The following EVC2 variants were observed in gnomAD, a reference collection of about 807,000 sequenced individuals.
EVC2 encodes EvC ciliary complex subunit 2, also known as limbin.
Under a neutral mutation model 149.3 loss-of-function variants are expected in EVC2, and 148 were observed. That is an observed-to-expected ratio of 0.99 (90% CI 0.87 to 1.14). The LOEUF (loss-of-function observed/expected upper bound fraction) is 1.14. Among genes scored for constraint, EVC2 ranks in the 50% most tolerant of loss-of-function variants. The probability of loss-of-function intolerance (pLI) is 0.00; values close to 1 mark genes in which losing one functional copy is unlikely to be tolerated. For missense variants in EVC2, 1,854 were observed against 1,627.3 expected, an observed-to-expected ratio of 1.14 and a Z score of -2.40; for synonymous variants, 776 against 649.9, an observed-to-expected ratio of 1.19 and a Z score of -2.95.
In EVC2 at chr4:5,644,305, TTTTA is replaced by T. The variant is rs1441272102; in HGVS notation, c.1146-3471_1146-3468del. On this transcript the variant is annotated intron_variant, in intron 9 of 21. Coordinates refer to ENST00000344408, the MANE Select transcript of EVC2 (RefSeq NM_147127.5). The stretch of plus-strand genomic sequence containing the variant: ...TACATATATAATTTACCATCTTTTA[TTTTA>T]TTTATTTATTCTTTTAGACGGAGTT... Among the ~76,000 whole-genome samples, 6 of 152,288 alleles carry T rather than the reference TTTTA, an allele frequency of 3.9e-5. No homozygotes were observed. In the East Asian group the frequency reaches 1.2e-3, roughly 29 times the overall value.
At chr4:5,630,902 T>A (rs1716483878) in intron 11 of EVC2, among the ~76,000 whole-genome samples, 1 of 152,194 alleles carries the variant, frequency 6.6e-6, no homozygotes. Context: ...ACCCTTACCA[T>A]CAGCTAGAGC....
At chr4:5,586,557 C>T (rs886370180) in intron 16 of EVC2, among the ~76,000 whole-genome samples, 1 of 152,166 alleles carries the variant, frequency 6.6e-6, no homozygotes, top group African/African-American at 2.4e-5. Flanking sequence ...AGAACAGACT[C>T]TTTAAGTCTC....
chr4:5,697,464 T>C lies in EVC2; in HGVS notation c.283+129A>G, dbSNP rs7656937. On this transcript the variant is annotated intron_variant, in intron 2 of 21. Transcript: ENST00000344408. ...CTAGTTCTGTAAGGTCAGGGAATGA[T>C]CTACTTGCCCAAAGTAGAGAGGTGC... 8,411 of 917,570 alleles carry C rather than the reference T, an allele frequency of 9.2e-3. 394 individuals carry two copies. The African/African-American group carries it at 0.11, about 12-fold the overall frequency. 56.8% of individuals were successfully genotyped at this position (917,570 alleles called of 1,614,324 possible). A position where few individuals can be genotyped will look rare whatever the true frequency, so the allele number is the denominator to read the frequency against.
chr4:5,615,357 GT>G, intron 16 of EVC2, 64 bp downstream of exon 16: 1 of 1,611,208 alleles, frequency 6.2e-7, no homozygotes, highest in Non-Finnish European at 8.5e-7. Context: ...CTGCAAATGT[GT>G]CAGCTATCAG....
chr4:5,573,460 T>C (rs1311723399), intron 19 of EVC2, among the ~76,000 whole-genome samples: 1 of 152,086 alleles, frequency 6.6e-6, no homozygotes, highest in African/African-American at 2.4e-5. Context: ...CCAAGGAATG[T>C]AGGTGCCACT....
rs201048030 is a variant in EVC2 at position 5,576,233 on chromosome 4, G to A, written c.3272+7C>T. On this transcript the variant is annotated splice_region_variant and intron_variant, in intron 18 of 21. Coordinates refer to ENST00000344408, the MANE Select transcript of EVC2 (RefSeq NM_147127.5). The surrounding 1 kb of genome is among the most constrained non-coding windows in gnomAD (Gnocchi z 4.5). Reference sequence around the variant, plus strand: ...TATCTTTGAGTGCTACGGGGCACACGGCATACCACTGCTGATGTTGCTCCA... The same window carrying A: ...TATCTTTGAGTGCTACGGGGCACACAGCATACCACTGCTGATGTTGCTCCA... 1,966 of 1,614,102 alleles carry A rather than the reference G, an allele frequency of 1.2e-3. 8 individuals are homozygous for A. The highest frequency in any genetic ancestry group is 1.1e-3 in the Non-Finnish European group (1,243 of 1,180,040).
At chr4:5,593,900 G>A (rs13106002) in intron 16 of EVC2, among the ~76,000 whole-genome samples, 49,410 of 152,088 alleles carry the variant, frequency 0.32, 9,090 homozygotes, top group South Asian at 0.44. Context: ...CTTAAAAAAC[G>A]ACGCACCAGG....
intron 16 of EVC2, among the ~76,000 whole-genome samples, chr4:5,608,132 C>T (rs187046565): frequency 1.3e-5 from 2 of 152,276 alleles, no homozygotes; most frequent in African/African-American, 2.4e-5. Context: ...CTTTCCCCTT[C>T]TGTTGGATGG....
chr4:5,562,880 T>C lies in EVC2; in HGVS notation c.3895A>G (p.Lys1299Glu). 1.2e-6 allele frequency: 2 copies of C among 1,614,218 alleles called. No homozygotes were observed. Among genetic ancestry groups the C allele is most frequent in the Non-Finnish European group, 1.7e-6 (2 of 1,180,048 alleles). ...PRKKKNFLNA[K>E]KAMRALGMD is the part of the protein sequence containing the mutation. Reference sequence around the variant, plus strand: ...ATGCCCAAGGCCCTCATGGCCTTTTTGGCATTCAAAAAGTTCTTCTTTTTC... The same window carrying C: ...ATGCCCAAGGCCCTCATGGCCTTTTCGGCATTCAAAAAGTTCTTCTTTTTC... Residue 1299 changes from lysine to glutamate, a missense_variant, in exon 22 of 22, where the codon AAA (lysine) becomes GAA (glutamate). Coordinates refer to ENST00000344408, the MANE Select transcript of EVC2 (RefSeq NM_147127.5). The surrounding 1 kb of genome is among the most constrained non-coding windows in gnomAD (Gnocchi z 4.3).
rs775859006 is a variant in EVC2, at chr4:5,640,769, A to G, written c.1215T>C (p.Asp405=). The change falls in exon 10 of 22, where the codon GAT becomes GAC. Residue 405 remains aspartate, a synonymous_variant. Transcript: ENST00000344408. This position sits in a 1 kb window ranked among gnomAD's most constrained non-coding sequence, Gnocchi z 4.6. ...GATTTTTCAGCAGAAGGGCAATGATATCCTTGCTGATTTGTGTTCGACAAG... is the reference window on the plus strand; with the variant it reads ...GATTTTTCAGCAGAAGGGCAATGATGTCCTTGCTGATTTGTGTTCGACAAG... ...LEACRTQISK[D]IIALLLKNLT... is the part of the protein sequence containing the mutation. 1.2e-6 allele frequency: 2 copies of G among 1,614,048 alleles called. No homozygotes were observed. Among genetic ancestry groups the G allele is most frequent in the South Asian group, 2.2e-5 (2 of 91,088 alleles).
chr4:5,598,666 C>T (rs1230196122), intron 16 of EVC2, among the ~76,000 whole-genome samples: 1 of 152,102 alleles, frequency 6.6e-6, no homozygotes, highest in Non-Finnish European at 1.5e-5. Context: ...TGGGCAAGGA[C>T]TTCATGTCTA....
downstream of EVC2, among the ~76,000 whole-genome samples, chr4:5,538,867 A>G (rs559592412): frequency 6.6e-6 from 1 of 152,306 alleles, no homozygotes; most frequent in African/African-American, 2.4e-5. Flanking sequence ...TATCATACTC[A>G]ATGGTGAACA....
chr4:5,631,687 A>C, intron 11 of EVC2, 106 bp downstream of exon 11: 324 of 1,366,296 alleles, frequency 2.4e-4, no homozygotes, highest in Middle Eastern at 4.7e-4. Flanking sequence ...AAAGCTCACT[A>C]GTGCACAGTA....
chr4:5,639,042 C>T (rs1717110391), intron 10 of EVC2, among the ~76,000 whole-genome samples: 1 of 152,124 alleles, frequency 6.6e-6, no homozygotes, highest in Admixed American at 6.5e-5. Flanking sequence ...CAAGGGAGGC[C>T]CCAGGAGCAA....
At chr4:5,553,224 G>A (rs1383857365) in intron 21 of EVC2, among the ~76,000 whole-genome samples, 1 of 152,162 alleles carries the variant, frequency 6.6e-6, no homozygotes, top group African/African-American at 2.4e-5. Flanking sequence ...CACATGCCAG[G>A]AGCAGGAGCA....
the EVC2 span, among the ~76,000 whole-genome samples, chr4:5,529,122 T>C: frequency 0.32 from 48,459 of 151,992 alleles, 9,901 homozygotes; most frequent in East Asian, 0.68. The surrounding 1 kb of genome is among the most constrained non-coding windows in gnomAD (Gnocchi z 4.5). Flanking sequence ...TCTGCCTCCT[T>C]GCTGAATGGG....
Position 5,591,152 on chromosome 4 carries a change from C to T in EVC2, c.2830-6302G>A, listed in dbSNP as rs73061757. Among the ~76,000 whole-genome samples, 409 of 152,266 alleles carry T rather than the reference C, an allele frequency of 2.7e-3. 2 individuals are homozygous for T. The highest frequency in any genetic ancestry group is 8.1e-3 in the African/African-American group (335 of 41,556). Reference sequence around the variant, plus strand: ...CTCAATGACACTTGTGCATGTTTCTCGTTTCATAAATATTCATGACTCCTC... The same window carrying T: ...CTCAATGACACTTGTGCATGTTTCTTGTTTCATAAATATTCATGACTCCTC... On this transcript the variant is annotated intron_variant, in intron 16 of 21. Coordinates refer to ENST00000344408, the MANE Select transcript of EVC2 (RefSeq NM_147127.5).
In EVC2 at chr4:5,625,307, T is replaced by TACACACAC. The variant is rs71171407; in HGVS notation, c.2046+434_2046+441dup. 1.9e-4 allele frequency among the ~76,000 whole-genome samples: 26 copies of TACACACAC among 139,886 alleles called. No homozygotes were observed. Among genetic ancestry groups the TACACACAC allele is most frequent in the South Asian group, 9.7e-4 (4 of 4,122 alleles). 91.8% of individuals were successfully genotyped at this position (139,886 alleles called of 152,430 possible). On this transcript the variant is annotated intron_variant, in intron 13 of 21. Transcript: ENST00000344408. The surrounding 1 kb of genome is among the most constrained non-coding windows in gnomAD (Gnocchi z 4.0). Reference sequence around the variant, plus strand: ...CTTACTAGATATTTGACCTTGACCATACACACACACACACACACACACACA... The same window carrying TACACACAC: ...CTTACTAGATATTTGACCTTGACCATACACACACACACACACACACACACACACACACA...
chr4:5,534,717 G>A, the EVC2 span, among the ~76,000 whole-genome samples: 1 of 151,516 alleles, frequency 6.6e-6, no homozygotes, highest in African/African-American at 2.4e-5. Context: ...AGTGATGGAG[G>A]CTTTGTGGCC....
Sources: gnomAD v4.1 joint callset for allele counts (sites outside exome capture counted in the v4.1 genomes callset) on GRCh38, gnomAD v4.1.1 for gene constraint, Gnocchi (gnomAD v3.1) non-coding constraint, MANE v1.5 for transcripts, NCBI Gene and HGNC (gene_info 2026-07-23, HGNC 2026-07-21) for gene names.